Variants in ERCC4 observed in about 807,000 individuals in gnomAD.
ERCC4 encodes ERCC excision repair 4, endonuclease catalytic subunit.
A neutral mutation model predicts 76.9 loss-of-function variants in ERCC4; 65 were observed. The observed-to-expected ratio is 0.84, with a 90% CI of 0.69 to 1.04. The LOEUF is 1.04. Among genes scored for constraint, ERCC4 ranks in the 50% least tolerant of loss-of-function variants. The pLI is 0.00. For missense variants in ERCC4, 1,214 were observed against 1,128.2 expected (o/e 1.08, Z -1.09); for synonymous variants, 463 against 410.1 (o/e 1.13, Z -1.56).
intron 9 of ERCC4, among the ~76,000 whole-genome samples, chr16:13,943,751 G>A (rs1396549312): frequency 2.0e-5 from 3 of 147,868 alleles, no homozygotes; most frequent in Non-Finnish European, 4.5e-5. Flanking sequence ...TTCTTCTCAT[G>A]TTTGCTTTGT....
Position 13,920,218 on chromosome 16 carries a change from A to G in ERCC4, c.53A>G (p.Tyr18Cys). 2.5e-6 allele frequency: 4 copies of G among 1,607,784 alleles called. No individual in the cohort carries two copies. The highest frequency in any genetic ancestry group is 3.4e-6 in the Non-Finnish European group (4 of 1,179,940). The stretch of plus-strand genomic sequence containing the variant: ...ATTGCCATGGCGCCGCTGCTGGAGT[A>G]CGAGCGACAGCTGGTGCTGGAACTG... The part of the protein sequence containing the change: ...RRIAMAPLLE[Y>C]ERQLVLELLD... The change falls in exon 1 of 11, where the codon TAC becomes TGC. Residue 18 changes from tyrosine to cysteine, a missense_variant. Transcript: ENST00000311895.
Position 13,948,894 on chromosome 16 carries a change from C to A in ERCC4, c.*547C>A. On this transcript the variant is annotated 3_prime_UTR_variant, in exon 11 of 11. Coordinates refer to ENST00000311895, the MANE Select transcript of ERCC4 (RefSeq NM_005236.3). ...TTTGTGTAGGAAATCATGTTCTGAC[C>A]CTTTGTCTACAAAGGAGCCTTCTGG... The A allele has an allele frequency of 4.3e-6, 1 of 232,454 alleles. No homozygotes were observed. The highest frequency in any genetic ancestry group is 6.1e-5 in the East Asian group (1 of 16,436). The allele number at this position is 232,454 out of a possible 1,614,324, so 14.4% of individuals were successfully genotyped here.
intron 4 of ERCC4, among the ~76,000 whole-genome samples, chr16:13,929,832 G>T (rs1291969768): frequency 6.6e-6 from 1 of 152,084 alleles, no homozygotes; most frequent in Non-Finnish European, 1.5e-5. Context: ...GGGCGTGGTG[G>T]CAACGCCTGT....
intron 9 of ERCC4, among the ~76,000 whole-genome samples, chr16:13,940,439 G>A (rs1204134567): frequency 6.6e-6 from 1 of 151,982 alleles, no homozygotes; most frequent in Non-Finnish European, 1.5e-5. Context: ...AAGGCACATG[G>A]GGCAAAGTCC....
At chr16:13,936,918 T>G (rs2032309910) in intron 8 of ERCC4, among the ~76,000 whole-genome samples, 2 of 150,856 alleles carry the variant, frequency 1.3e-5, no homozygotes, top group Admixed American at 6.6e-5. Flanking sequence ...TTTCCTTTTT[T>G]TTTTTTTCTT....
rs563490201 is a variant in ERCC4, at chr16:13,950,824, C to CA, written c.*2485dup. 50 of 193,190 alleles carry CA rather than the reference C, an allele frequency of 2.6e-4. No homozygotes were observed. Among genetic ancestry groups the CA allele is most frequent in the African/African-American group, 7.7e-4 (33 of 43,060 alleles). 12.0% of individuals were successfully genotyped at this position (193,190 alleles called of 1,614,324 possible). ...GGGGTTTCATTCCAAGTTGAGTTTT[C>CA]AAAAAAAAGGTCTTCCTAAAGCTAC... On this transcript the variant is annotated 3_prime_UTR_variant, in exon 11 of 11. Transcript: ENST00000311895.
chr16:13,926,798 C>A, intron 3 of ERCC4, 42 bp downstream of exon 3: 1 of 1,465,412 alleles, frequency 6.8e-7, no homozygotes, highest in South Asian at 1.1e-5. Context: ...CATTATTTGT[C>A]ATCTTTGTTT....
intron 8 of ERCC4, among the ~76,000 whole-genome samples, chr16:13,936,013 G>A (rs982243090): frequency 5.3e-5 from 8 of 152,146 alleles, no homozygotes; most frequent in South Asian, 2.1e-4. Context: ...GGTTTGCATC[G>A]TATGGGGTAC....
chr16:13,948,640 G>A lies in ERCC4; in HGVS notation c.*293G>A. The A allele has an allele frequency of 2.4e-6, 1 of 417,034 alleles. No individual in the cohort carries two copies. The highest frequency in any genetic ancestry group is 2.7e-5 in the South Asian group (1 of 36,466). 25.8% of individuals were successfully genotyped at this position (417,034 alleles called of 1,614,324 possible). A position where few individuals can be genotyped will look rare whatever the true frequency, so the allele number is the denominator to read the frequency against. ...AAAGTTCCTACAAGTGATTACAGAA[G>A]GTAGAAACTTTACCTGATCCTAACA... On this transcript the variant is annotated 3_prime_UTR_variant, in exon 11 of 11. Transcript: ENST00000311895.
At chr16:13,944,546 T>A (rs1251793921) in intron 9 of ERCC4, among the ~76,000 whole-genome samples, 177 bp from the exon 10 acceptor site, 1 of 152,248 alleles carries the variant, frequency 6.6e-6, no homozygotes, top group Non-Finnish European at 1.5e-5. Context: ...TTTTTCTACT[T>A]CCTTTACCCA....
chr16:13,920,392 G>A lies in ERCC4; in HGVS notation c.207+20G>A, dbSNP rs2031948008. The A allele has an allele frequency of 6.5e-7, 1 of 1,544,012 alleles. No homozygotes were observed. Among genetic ancestry groups the A allele is most frequent in the South Asian group, 1.2e-5 (1 of 85,422 alleles). ...GAGGAGGTGCGGCCGCGCTGGCGCG[G>A]GAGTGAGGGGACTCCGAGAGTGTTG... On this transcript the variant is annotated intron_variant, in intron 1 of 10. Transcript: ENST00000311895.
intron 10 of ERCC4, among the ~76,000 whole-genome samples, chr16:13,946,535 G>A (rs2141618689): frequency 6.6e-6 from 1 of 152,322 alleles, no homozygotes; most frequent in East Asian, 1.9e-4. Flanking sequence ...TGACCAAAAC[G>A]TTGTTGTACA....
At chr16:13,922,595 A>G (rs2031999676) in intron 2 of ERCC4, 6 of 656,740 alleles carry the variant, frequency 9.1e-6, no homozygotes, top group East Asian at 8.4e-5. Context: ...TTGGGCACAC[A>G]TCAGGCACAG....
chr16:13,938,700 C>G (rs747734774), intron 9 of ERCC4, among the ~76,000 whole-genome samples: 3 of 152,212 alleles, frequency 2.0e-5, no homozygotes, highest in Non-Finnish European at 4.4e-5. Flanking sequence ...AAGCCTCAGA[C>G]ATTGGCAATG....
chr16:13,945,366 A>G (rs1281251506), intron 10 of ERCC4, among the ~76,000 whole-genome samples: 1 of 152,144 alleles, frequency 6.6e-6, no homozygotes, highest in Admixed American at 6.5e-5. Context: ...GCAGTGTCCA[A>G]ACTGTGGCAT....
chr16:13,940,063 A>G (rs964668942), intron 9 of ERCC4, among the ~76,000 whole-genome samples: 7 of 152,200 alleles, frequency 4.6e-5, no homozygotes, highest in African/African-American at 1.4e-4. Flanking sequence ...AAGGTGTTAT[A>G]CTCACAATAC....
intron 1 of ERCC4, among the ~76,000 whole-genome samples, 177 bp from the exon 2 acceptor site, chr16:13,921,854 A>T (rs1162281579): frequency 6.6e-6 from 1 of 152,222 alleles, no homozygotes; most frequent in African/African-American, 2.4e-5. Context: ...AAAACAAGAA[A>T]ACCTCATTAA....
intron 9 of ERCC4, 131 bp from the exon 10 acceptor site, chr16:13,944,592 C>CTTGTTT (rs992966619): frequency 1.4e-6 from 1 of 700,042 alleles, no homozygotes; most frequent in Non-Finnish European, 2.6e-6. Flanking sequence ...TAATATATTC[C>CTTGTTT]TTGTTTTTGT....
chr16:13,947,635 C>T lies in ERCC4; in HGVS notation c.2039C>T (p.Thr680Ile), dbSNP rs762607920. 7 of 1,614,148 alleles carry T rather than the reference C, an allele frequency of 4.3e-6. No individual in the cohort carries two copies. The highest frequency in any genetic ancestry group is 2.5e-6 in the Non-Finnish European group (3 of 1,180,014). ...GTAGGTGGCCAGGAACAGAATGGTA[C>T]ACAGCAAAGCATAGTTGTGGATATG... ...RKAGGQEQNGTQQSIVVDMRE... is the reference protein window; with the variant it reads ...RKAGGQEQNGIQQSIVVDMRE... The change falls in exon 11 of 11, where the codon ACA becomes ATA. Residue 680 changes from threonine to isoleucine, a missense_variant. By Grantham distance (89) the Thr-to-Ile change is moderately conservative. Coordinates refer to ENST00000311895, the MANE Select transcript of ERCC4 (RefSeq NM_005236.3).
Sources: gnomAD v4.1 joint callset for allele counts (sites outside exome capture counted in the v4.1 genomes callset) on GRCh38, gnomAD v4.1.1 for gene constraint, MANE v1.5 for transcripts, NCBI Gene and HGNC (gene_info 2026-07-23, HGNC 2026-07-21) for gene names.